Variants in CTNNA3 observed in about 807,000 individuals in gnomAD.
The protein encoded by CTNNA3 is catenin alpha-3.
In CTNNA3, 76 loss-of-function variants were observed where a neutral mutation model predicts 95.7. The ratio of observed to expected loss-of-function variants is 0.79; its 90% CI spans 0.66 to 0.96. The LOEUF (loss-of-function observed/expected upper bound fraction) is 0.96, where lower values mean the gene tolerates loss of function less well. CTNNA3 is among the 40% of genes least tolerant of loss of function. The probability of loss-of-function intolerance (pLI) is 0.00; values close to 1 mark genes in which losing one functional copy is unlikely to be tolerated. For synonymous variants in CTNNA3, 431 were observed against 374.4 expected (o/e 1.15, Z -1.74); for missense variants, 1,191 against 1,089.8 (o/e 1.09, Z -1.31).
At chr10:67,111,603 A>G (rs1858912601) in intron 7 of CTNNA3, among the ~76,000 whole-genome samples, 1 of 152,050 alleles carries the variant, frequency 6.6e-6, no homozygotes, top group African/African-American at 2.4e-5. Flanking sequence ...AAATATATCA[A>G]GATTATTTTT....
chr10:66,372,549 A>C (rs2092761870), intron 12 of CTNNA3, among the ~76,000 whole-genome samples: 1 of 152,058 alleles, frequency 6.6e-6, no homozygotes. Flanking sequence ...ACTGTTGTTA[A>C]CCCATCCTTC....
intron 7 of CTNNA3, among the ~76,000 whole-genome samples, chr10:66,969,540 G>T (rs906667159): frequency 2.6e-5 from 4 of 152,014 alleles, no homozygotes; most frequent in Non-Finnish European, 5.9e-5. Flanking sequence ...CCAAATTGCT[G>T]CATCAAAAGG....
chr10:66,299,875 A>G (rs2091835699), intron 12 of CTNNA3, among the ~76,000 whole-genome samples: 1 of 152,138 alleles, frequency 6.6e-6, no homozygotes, highest in African/African-American at 2.4e-5. Context: ...ATCCAGAAAT[A>G]GTAAAATACA....
intron 5 of CTNNA3, among the ~76,000 whole-genome samples, chr10:67,319,848 A>G (rs995860781): frequency 4.1e-5 from 6 of 145,858 alleles, no homozygotes; most frequent in Admixed American, 1.4e-4. Flanking sequence ...GTGAGCTGAG[A>G]CTGCTCCACT....
chr10:66,702,943 C>G (rs1350748843), intron 9 of CTNNA3, among the ~76,000 whole-genome samples: 2 of 152,068 alleles, frequency 1.3e-5, no homozygotes, highest in African/African-American at 4.8e-5. Context: ...ACTATTATCA[C>G]AATCAACTTG....
intron 1 of CTNNA3, among the ~76,000 whole-genome samples, chr10:67,727,000 AAT>A (rs1378235997): frequency 2.9e-3 from 341 of 117,280 alleles, no homozygotes; most frequent in Middle Eastern, 0.012. Flanking sequence ...AATTATATAT[AAT>A]ATATGATACA....
intron 7 of CTNNA3, among the ~76,000 whole-genome samples, chr10:66,906,057 G>T (rs1409449766): frequency 1.3e-5 from 2 of 152,006 alleles, no homozygotes; most frequent in African/African-American, 2.4e-5. Context: ...AGGAATAACA[G>T]AATATTACTA....
At chr10:67,059,269 A>C (rs1035688075) in intron 7 of CTNNA3, among the ~76,000 whole-genome samples, 4 of 152,236 alleles carry the variant, frequency 2.6e-5, no homozygotes, top group Admixed American at 6.5e-5. Context: ...CCTTGATTTG[A>C]ATTAGCTAAA....
intron 1 of CTNNA3, among the ~76,000 whole-genome samples, chr10:67,704,608 C>T (rs1589576595): frequency 1.3e-5 from 2 of 152,148 alleles, no homozygotes; most frequent in East Asian, 3.9e-4. Flanking sequence ...CTTCCTTACA[C>T]CTTATACAAA....
intron 1 of CTNNA3, among the ~76,000 whole-genome samples, chr10:67,682,326 CAA>C (rs535935296): frequency 9.4e-5 from 11 of 116,536 alleles, no homozygotes; most frequent in Admixed American, 1.8e-4. Flanking sequence ...GACTCTATCT[CAA>C]AAAAAAAAAA....
intron 7 of CTNNA3, among the ~76,000 whole-genome samples, chr10:66,800,387 A>C (rs190612427): frequency 8.3e-4 from 125 of 151,328 alleles, no homozygotes; most frequent in African/African-American, 2.7e-3. Flanking sequence ...TTAATGATCT[A>C]GTTTATCCAT....
intron 7 of CTNNA3, among the ~76,000 whole-genome samples, chr10:66,919,494 T>G (rs1170542059): frequency 6.6e-6 from 1 of 152,124 alleles, no homozygotes; most frequent in Non-Finnish European, 1.5e-5. Context: ...AACCTGAGAA[T>G]ATGGATTGAC....
At chr10:67,551,180 A>G (rs1157696295) in intron 3 of CTNNA3, among the ~76,000 whole-genome samples, 2 of 152,116 alleles carry the variant, frequency 1.3e-5, no homozygotes, top group African/African-American at 4.8e-5. Flanking sequence ...GCACGTGGAG[A>G]GAAACACATC....
At chr10:66,356,117 G>GTTTTTTTTTTTTTTTTTTTT (rs1275052192) in intron 12 of CTNNA3, among the ~76,000 whole-genome samples, 1 of 104,738 alleles carries the variant, frequency 9.5e-6, no homozygotes, top group African/African-American at 3.9e-5. Flanking sequence ...TTGTTTGCTT[G>GTTTTTTTTTTTTTTTTTTTT]TTTTGTTTTT....
chr10:67,210,083 A>G (rs59396014), intron 6 of CTNNA3, among the ~76,000 whole-genome samples: 6,574 of 152,152 alleles, frequency 0.043, 180 homozygotes, highest in South Asian at 0.088. Flanking sequence ...CAAAGCAGGC[A>G]GATCACAAGG....
intron 13 of CTNNA3, among the ~76,000 whole-genome samples, chr10:66,257,345 C>T (rs961330614): frequency 1.6e-4 from 24 of 152,158 alleles, no homozygotes; most frequent in African/African-American, 5.6e-4. Context: ...ATGGAAAACC[C>T]CAAGGAGGCT....
chr10:66,197,544 C>A (rs1182500508), intron 13 of CTNNA3, among the ~76,000 whole-genome samples: 1 of 152,066 alleles, frequency 6.6e-6, no homozygotes, highest in African/African-American at 2.4e-5. Context: ...CAAGAATAAT[C>A]ACCTGCAAAA....
chr10:65,938,317 A>C (rs1036151122), intron 17 of CTNNA3, among the ~76,000 whole-genome samples: 1 of 152,194 alleles, frequency 6.6e-6, no homozygotes, highest in Non-Finnish European at 1.5e-5. Context: ...GATTGTCTGA[A>C]TTTAACCTAA....
At chr10:66,641,099 C>CA (rs1845502513) in intron 9 of CTNNA3, among the ~76,000 whole-genome samples, 1 of 151,888 alleles carries the variant, frequency 6.6e-6, no homozygotes, top group Admixed American at 6.6e-5. Context: ...TTTATAACAG[C>CA]AAAAAAATGA....
Sources: gnomAD v4.1 joint callset for allele counts (sites outside exome capture counted in the v4.1 genomes callset) on GRCh38, gnomAD v4.1.1 for gene constraint, MANE v1.5 for transcripts, NCBI Gene and HGNC (gene_info 2026-07-23, HGNC 2026-07-21) for gene names.